Variants in AP1G1 observed in about 807,000 individuals in gnomAD.
AP1G1 encodes the protein AP-1 complex subunit gamma-1.
Under a neutral mutation model 108.3 loss-of-function variants are expected in AP1G1, and 7 were observed. The ratio of observed to expected loss-of-function variants is 0.06; its 90% CI spans 0.04 to 0.12. The LOEUF (loss-of-function observed/expected upper bound fraction) is 0.12, where lower values mean the gene tolerates loss of function less well. Ranked by LOEUF, AP1G1 falls within the 10% of genes least tolerant of loss-of-function variation. AP1G1 has a pLI of 1.00. For missense variants in AP1G1, 756 were observed against 1,010.7 expected (o/e 0.75, Z 3.42); for synonymous variants, 379 against 353.5 (o/e 1.07, Z -0.81).
chr16:71,798,882 C>CT (rs746389063), intron 1 of AP1G1, among the ~76,000 whole-genome samples: 16 of 151,362 alleles, frequency 1.1e-4, no homozygotes, highest in Admixed American at 8.6e-4. Context: ...GGGTGAGACT[C>CT]TGTCTCCCAG....
At chr16:71,761,414 A>C (rs2031078675) in intron 10 of AP1G1, 98 bp downstream of exon 10, 3 of 874,710 alleles carry the variant, frequency 3.4e-6, no homozygotes, top group Non-Finnish European at 5.6e-6. Context: ...AAAAGTTCTA[A>C]ATATGTGACT....
At chr16:71,794,835 C>CTTTTTTTTTTTTTTTTTTTTTTTTTTT (rs55761928) in intron 1 of AP1G1, among the ~76,000 whole-genome samples, 1 of 39,658 alleles carries the variant, frequency 2.5e-5, no homozygotes, top group Non-Finnish European at 4.3e-5. Context: ...ATGAGAAGTG[C>CTTTTTTTTTTTTTTTTTTTTTTTTTTT]TTTTTTTTTT....
At chr16:71,788,462 T>C (rs993251242) in intron 2 of AP1G1, among the ~76,000 whole-genome samples, 6 of 152,144 alleles carry the variant, frequency 3.9e-5, no homozygotes, top group African/African-American at 1.2e-4. Context: ...ACATCTTAGA[T>C]AGTAACCATT....
intron 6 of AP1G1, chr16:71,767,773 T>C (rs2031374629): frequency 8.8e-7 from 1 of 1,139,224 alleles, no homozygotes; most frequent in South Asian, 1.3e-5. Context: ...TAAGCACAGC[T>C]TCAGCATTAG....
chr16:71,804,454 G>T (rs1011248519), intron 1 of AP1G1, among the ~76,000 whole-genome samples: 4 of 145,700 alleles, frequency 2.7e-5, no homozygotes, highest in Admixed American at 7.2e-5. Flanking sequence ...TGTCACCCAG[G>T]CTGGAGTGCA....
intron 1 of AP1G1, chr16:71,808,309 G>T: frequency 1.3e-6 from 1 of 792,628 alleles, no homozygotes; most frequent in Non-Finnish European, 1.7e-6. Context: ...GCAGGGGCAG[G>T]CAGCGATTAA....
intron 11 of AP1G1, 49 bp downstream of exon 11, chr16:71,758,759 A>T: frequency 8.9e-7 from 1 of 1,121,778 alleles, no homozygotes; most frequent in Non-Finnish European, 1.3e-6. Context: ...ATAATCTGTC[A>T]CTCAATTTAC....
intron 4 of AP1G1, among the ~76,000 whole-genome samples, chr16:71,772,721 T>C (rs970481192): frequency 1.3e-5 from 2 of 152,164 alleles, no homozygotes; most frequent in Non-Finnish European, 2.9e-5. Context: ...TCAAAGGTTG[T>C]AGGGTTCAAG....
chr16:71,784,642 T>G (rs915516768), intron 2 of AP1G1, among the ~76,000 whole-genome samples: 2 of 152,056 alleles, frequency 1.3e-5, no homozygotes, highest in Non-Finnish European at 2.9e-5. Flanking sequence ...CACTGCAACC[T>G]CCACCTTCCA....
rs753807780 is a variant in AP1G1, at chr16:71,789,360, T to C, written c.120A>G (p.Glu40=). 1 of 1,614,246 alleles carries C rather than the reference T, an allele frequency of 6.2e-7. No homozygotes were observed. The highest frequency in any genetic ancestry group is 8.5e-7 in the Non-Finnish European group (1 of 1,180,040). ...ECAAIRSSFR[E]EDNTYRCRNV... is the part of the protein sequence containing the mutation. ...TCCGACATCGGTATGTATTGTCTTCTTCTCTAAAAGATGACCGGATTGCAG... is the reference window on the plus strand; with the variant it reads ...TCCGACATCGGTATGTATTGTCTTCCTCTCTAAAAGATGACCGGATTGCAG... The change falls in exon 2 of 23, where the codon GAA becomes GAG. Residue 40 remains glutamate, a synonymous_variant. Coordinates refer to ENST00000299980, the MANE Select transcript of AP1G1 (RefSeq NM_001128.6).
intron 1 of AP1G1, chr16:71,808,448 G>C (rs1314837330): frequency 8.4e-7 from 1 of 1,196,954 alleles, no homozygotes; most frequent in Admixed American, 3.2e-5. Flanking sequence ...CAGGCTCCCT[G>C]AATGAGCCCT....
At chr16:71,780,182 T>TG (rs1234622531) in intron 2 of AP1G1, among the ~76,000 whole-genome samples, 3 of 151,794 alleles carry the variant, frequency 2.0e-5, no homozygotes, top group Non-Finnish European at 4.4e-5. Context: ...TTAGTAGAGA[T>TG]GGGGTTCCGC....
At chr16:71,806,381 T>C (rs2032999023) in intron 1 of AP1G1, among the ~76,000 whole-genome samples, 1 of 152,174 alleles carries the variant, frequency 6.6e-6, no homozygotes, top group African/African-American at 2.4e-5. Flanking sequence ...ATGCAAACTA[T>C]CTAAGAATGA....
intron 1 of AP1G1, chr16:71,808,103 AG>A: frequency 8.7e-7 from 1 of 1,155,882 alleles, no homozygotes; most frequent in Non-Finnish European, 1.1e-6. Flanking sequence ...TCAGGCAATC[AG>A]GAAGACCGGG....
chr16:71,772,840 CTAA>C lies in AP1G1; in HGVS notation c.468+378_468+380del, dbSNP rs2031629044. On this transcript the variant is annotated intron_variant, in intron 4 of 22. Coordinates refer to ENST00000299980, the MANE Select transcript of AP1G1 (RefSeq NM_001128.6). The stretch of plus-strand genomic sequence containing the variant: ...CAGAAAGTGGGTTCTACATCATTCC[CTAA>C]TAATTATCTAGGTCCCAATAGAACT... 1.4e-5 allele frequency: 4 copies of C among 289,176 alleles called. No individual in the cohort carries two copies. In the Admixed American group the frequency reaches 2.0e-4, roughly 14 times the overall value. The allele number at this position is 289,176 out of a possible 1,614,324, so 17.9% of individuals were successfully genotyped here.
chr16:71,733,660 A>T (rs2045497928), intron 22 of AP1G1, among the ~76,000 whole-genome samples: 1 of 152,092 alleles, frequency 6.6e-6, no homozygotes, highest in African/African-American at 2.4e-5. Context: ...GCCACCATGG[A>T]GCATTCTCCT....
At chr16:71,783,351 C>T (rs1481552524) in intron 2 of AP1G1, among the ~76,000 whole-genome samples, 2 of 151,774 alleles carry the variant, frequency 1.3e-5, no homozygotes, top group Admixed American at 6.6e-5. Context: ...ACTCTTAGAA[C>T]CAAGTTCAAT....
intron 11 of AP1G1, among the ~76,000 whole-genome samples, chr16:71,756,930 C>CG (rs1393683076): frequency 1.5e-4 from 10 of 67,944 alleles, no homozygotes; most frequent in African/African-American, 4.4e-4. Flanking sequence ...GACTCTGTCT[C>CG]AAAAAAAAAA....
rs1227951746 is a variant in AP1G1, at chr16:71,751,444, C to CT, written c.1285-1113_1285-1112insA. 2.1e-4 allele frequency: 30 copies of CT among 145,820 alleles called. No homozygotes were observed. In the Admixed American group the frequency reaches 2.1e-3, roughly 10 times the overall value. 9.0% of individuals were successfully genotyped at this position (145,820 alleles called of 1,614,324 possible). On this transcript the variant is annotated intron_variant, in intron 13 of 22. Coordinates refer to ENST00000299980, the MANE Select transcript of AP1G1 (RefSeq NM_001128.6). ...TTGTAAGACTGAGACCAGTCCTAAC[C>CT]ATGTGTATTTTGGAAAGGAAAAAAA... is the stretch of plus-strand genomic sequence containing the variant.
Sources: allele counts gnomAD v4.1 joint callset (sites outside exome capture counted in the v4.1 genomes callset), GRCh38; gene constraint gnomAD v4.1.1; transcripts MANE v1.5; gene names NCBI Gene and HGNC (gene_info 2026-07-23, HGNC 2026-07-21).